The following ZNF493 variants were observed in gnomAD, a reference collection of about 807,000 sequenced individuals.
ZNF493 encodes the protein zinc finger protein 493.
A neutral mutation model predicts 12.2 loss-of-function variants in ZNF493; 11 were observed. That is an observed-to-expected ratio of 0.90 (90% CI 0.57 to 1.50). ZNF493 has a LOEUF of 1.50. ZNF493 is among the 40% of genes most tolerant of loss of function. The probability of loss-of-function intolerance (pLI) is 0.00; values close to 1 mark genes in which losing one functional copy is unlikely to be tolerated. For missense variants in ZNF493, 950 were observed against 906.6 expected (o/e 1.05, Z -0.61); for synonymous variants, 286 against 302.6 (o/e 0.95, Z 0.57).
chr19:21,423,441 G>C lies in ZNF493; in HGVS notation c.782G>C (p.Gly261Ala). ...ACTACACATAAGAGAATTCATACTG[G>C]ACAGAAACCCTACAAATGTGAAGAA... ...NLTTHKRIHT[G>A]QKPYKCEECG... The change falls in exon 4 of 4, where the codon GGA becomes GCA. Residue 261 changes from glycine (G) to alanine (A), a missense_variant. Gly to Ala is a moderately conservative substitution (Grantham distance 60, BLOSUM62 0). Coordinates refer to ENST00000392288, the MANE Select transcript of ZNF493 (RefSeq NM_001076678.3). 6.2e-7 allele frequency: 1 copy of C among 1,613,568 alleles called. No homozygotes were observed. Among genetic ancestry groups the C allele is most frequent in the African/African-American group, 1.3e-5 (1 of 74,976 alleles).
At chr19:21,419,192 G>A (rs3853838) in intron 3 of ZNF493, among the ~76,000 whole-genome samples, 21,339 of 151,974 alleles carry the variant, frequency 0.14, 1,939 homozygotes, top group Non-Finnish European at 0.21. Context: ...GTGGGACTGA[G>A]CCCTGAACTT....
At chr19:21,421,527 G>A (rs1177276111) in intron 3 of ZNF493, among the ~76,000 whole-genome samples, 1 of 151,774 alleles carries the variant, frequency 6.6e-6, no homozygotes, top group Non-Finnish European at 1.5e-5. Flanking sequence ...CACCATGCCA[G>A]ACTAATTTTG....
chr19:21,404,572 G>A (rs1312491419), intron 1 of ZNF493, among the ~76,000 whole-genome samples: 4 of 152,130 alleles, frequency 2.6e-5, no homozygotes, highest in Admixed American at 1.3e-4. Flanking sequence ...TCTTATCTTT[G>A]TTTACAGGGC....
At chr19:21,401,211 C>A (rs1599728399) in intron 1 of ZNF493, among the ~76,000 whole-genome samples, 1 of 152,040 alleles carries the variant, frequency 6.6e-6, no homozygotes, top group East Asian at 1.9e-4. Flanking sequence ...ACTGAAATAA[C>A]CCTGTGGTTT....
chr19:21,402,083 T>A (rs2029965725), intron 1 of ZNF493, among the ~76,000 whole-genome samples: 1 of 152,116 alleles, frequency 6.6e-6, no homozygotes, highest in Non-Finnish European at 1.5e-5. Context: ...TTCTCCTGCC[T>A]CAGCCTCCCG....
At position 21,410,164 on chromosome 19, in the gene ZNF493, G is replaced by A. The variant is rs185957263; in HGVS notation, c.253+4308G>A. 1.7e-4 allele frequency among the ~76,000 whole-genome samples: 25 copies of A among 150,534 alleles called. No homozygotes were observed. In the East Asian group the frequency reaches 2.9e-3, roughly 18 times the overall value. The stretch of plus-strand genomic sequence containing the variant: ...CAGCCCTTTGGCTTTTGTGAATACG[G>A]GTACAATAAACATGGATGTTCTAAT... On this transcript the variant is annotated intron_variant, in intron 3 of 3. Transcript: ENST00000392288.
intron 1 of ZNF493, among the ~76,000 whole-genome samples, chr19:21,399,200 G>A (rs7251135): frequency 0.14 from 21,399 of 151,308 alleles, 1,991 homozygotes; most frequent in Non-Finnish European, 0.21. Flanking sequence ...TCACTCTGTC[G>A]CCCAGGCTGG....
intron 1 of ZNF493, chr19:21,398,470 G>A (rs1028162335): frequency 4.7e-6 from 1 of 211,064 alleles, no homozygotes; most frequent in Non-Finnish European, 9.3e-6. Context: ...AATCTATGGG[G>A]TGATGTGTCC....
chr19:21,415,596 G>A (rs537769072), intron 3 of ZNF493, among the ~76,000 whole-genome samples: 1 of 152,246 alleles, frequency 6.6e-6, no homozygotes, highest in Admixed American at 6.5e-5. Flanking sequence ...TTTCTCAAGT[G>A]GCGGCAGCAC....
chr19:21,407,296 AT>A (rs200534742), intron 3 of ZNF493, among the ~76,000 whole-genome samples: 39 of 149,322 alleles, frequency 2.6e-4, no homozygotes, highest in African/African-American at 5.2e-4. Context: ...TATTATTATT[AT>A]TTTTTTTTTG....
rs757838834 is a variant in ZNF493 at position 21,424,891 on chromosome 19, A to G, written c.2232A>G (p.Glu744=). The change falls in exon 4 of 4, where the codon GAA becomes GAG. Residue 744 remains glutamate (E), a synonymous_variant. Coordinates refer to ENST00000392288, the MANE Select transcript of ZNF493 (RefSeq NM_001076678.3). ...IHTGDKPYKC[E]ACGKAFRRSS... is the part of the protein sequence containing the mutation. ...CTGGAGACAAACCCTACAAATGTGA[A>G]GCATGTGGCAAAGCTTTTAGGCGGT... The G allele has an allele frequency of 1.2e-6, 2 of 1,613,404 alleles. No homozygotes were observed. Among genetic ancestry groups the G allele is most frequent in the Non-Finnish European group, 1.7e-6 (2 of 1,179,572 alleles).
rs1461666727 is a variant in ZNF493 at position 21,426,639 on chromosome 19, G to A, written c.*1655G>A. The A allele has an allele frequency of 6.0e-6, 1 of 166,808 alleles. No individual in the cohort carries two copies. Among genetic ancestry groups the A allele is most frequent in the East Asian group, 1.9e-4 (1 of 5,204 alleles). 10.3% of individuals were successfully genotyped at this position (166,808 alleles called of 1,614,324 possible). ...AACATCAGGGAATTTATATTGGAGA[G>A]CTGTCTTGCAAATGTAATAAATTTG... On this transcript the variant is annotated 3_prime_UTR_variant, in exon 4 of 4. Coordinates refer to ENST00000392288, the MANE Select transcript of ZNF493 (RefSeq NM_001076678.3).
At chr19:21,407,535 C>T (rs1024352687) in intron 3 of ZNF493, 39 of 577,964 alleles carry the variant, frequency 6.7e-5, no homozygotes, top group African/African-American at 8.1e-5. Flanking sequence ...GTGATCCGCC[C>T]GCCTCAGTCT....
chr19:21,416,648 C>G (rs930542097), intron 3 of ZNF493, among the ~76,000 whole-genome samples: 1 of 152,174 alleles, frequency 6.6e-6, no homozygotes, highest in South Asian at 2.1e-4. Flanking sequence ...ACCCAATAAG[C>G]TACTTTGCCT....
chr19:21,399,328 T>C (rs546712227), intron 1 of ZNF493, among the ~76,000 whole-genome samples: 3 of 151,386 alleles, frequency 2.0e-5, no homozygotes, highest in Non-Finnish European at 1.5e-5. Flanking sequence ...GCCCGGCTAA[T>C]TTTTTGTGTT....
chr19:21,425,203 G>T lies in ZNF493; in HGVS notation c.*219G>T. 1 of 639,158 alleles carries T rather than the reference G, an allele frequency of 1.6e-6. No homozygotes were observed. The highest frequency in any genetic ancestry group is 2.8e-6 in the Non-Finnish European group (1 of 359,496). 39.6% of individuals were successfully genotyped at this position (639,158 alleles called of 1,614,324 possible). ...AAATTCTACAGATGTGAAGAATGTG[G>T]CAAAGGCTTTAATTAGTTCTCATCC... On this transcript the variant is annotated 3_prime_UTR_variant, in exon 4 of 4. Transcript: ENST00000392288.
intron 3 of ZNF493, 151 bp downstream of exon 3, chr19:21,406,007 G>A (rs1334982580): frequency 2.0e-6 from 1 of 503,332 alleles, no homozygotes; most frequent in Non-Finnish European, 3.5e-6. Context: ...GATCACCTGA[G>A]CTCAGGAGTT....
intron 3 of ZNF493, chr19:21,413,448 T>C (rs2030387997): frequency 4.9e-6 from 2 of 404,688 alleles, no homozygotes; most frequent in Non-Finnish European, 4.3e-6. Context: ...TTGTGACTGG[T>C]TGTCCCACTT....
intron 3 of ZNF493, among the ~76,000 whole-genome samples, chr19:21,418,308 C>T (rs2562409): frequency 0.96 from 145,506 of 152,294 alleles, 69,780 homozygotes; most frequent in Middle Eastern, 1. Flanking sequence ...TACTTCATTA[C>T]ACTCTCCTTC....
Sources: allele counts gnomAD v4.1 joint callset (sites outside exome capture counted in the v4.1 genomes callset), GRCh38; gene constraint gnomAD v4.1.1; transcripts MANE v1.5; gene names NCBI Gene and HGNC (gene_info 2026-07-23, HGNC 2026-07-21).